The following WDR37 variants were observed in gnomAD, a reference collection of about 807,000 sequenced individuals.
WDR37 encodes WD repeat-containing protein 37.
In WDR37, 19 loss-of-function variants were observed where a neutral mutation model predicts 62.9. The observed-to-expected ratio is 0.30, with a 90% CI of 0.21 to 0.44. WDR37 has a LOEUF of 0.44. WDR37 is among the 20% of genes least tolerant of loss of function. The pLI, the probability that WDR37 is intolerant of heterozygous loss-of-function variation, is 1.00. For synonymous variants in WDR37, 250 were observed against 260.9 expected (o/e 0.96, Z 0.40); for missense variants, 474 against 657.6 (o/e 0.72, Z 3.05).
At chr10:1,061,138 T>C (rs769080077) in intron 1 of WDR37, among the ~76,000 whole-genome samples, 1 of 152,236 alleles carries the variant, frequency 6.6e-6, no homozygotes, top group South Asian at 2.1e-4. Flanking sequence ...TCTTTGTATT[T>C]ATTGATCCAT....
Position 1,129,240 on chromosome 10 carries a change from G to T in WDR37, c.1381G>T (p.Ala461Ser), listed in dbSNP as rs71491341. 2.2e-4 allele frequency: 357 copies of T among 1,614,014 alleles called. No homozygotes were observed. Among genetic ancestry groups the T allele is most frequent in the Non-Finnish European group, 2.9e-4 (339 of 1,180,010 alleles). The change falls in exon 14 of 14, where the codon GCA (alanine) becomes TCA (serine). Residue 461 changes from alanine to serine, a missense_variant. Transcript: ENST00000263150. ...CCACAGGAGAATGGTATGCTGCTCG[G>T]CATGGAGTGAAGACCACCCCGTGTG... ...QGHRRMVCCSAWSEDHPVCNL... is the reference protein window; with the variant it reads ...QGHRRMVCCSSWSEDHPVCNL...
At chr10:1,070,137 G>A (rs952538085) in intron 1 of WDR37, among the ~76,000 whole-genome samples, 3 of 151,112 alleles carry the variant, frequency 2.0e-5, no homozygotes, top group East Asian at 1.9e-4. Flanking sequence ...GAACCTGGGG[G>A]ATGGAGGTTG....
At chr10:1,120,974 G>C (rs1035085679) in intron 11 of WDR37, among the ~76,000 whole-genome samples, 5 of 152,216 alleles carry the variant, frequency 3.3e-5, no homozygotes, top group African/African-American at 1.2e-4. Flanking sequence ...GTGCGGCGAG[G>C]AGGTGCTGCA....
intron 7 of WDR37, among the ~76,000 whole-genome samples, chr10:1,092,872 CAAAAAAAAAAA>C (rs56220560): frequency 9.5e-5 from 4 of 41,970 alleles, no homozygotes; most frequent in Admixed American, 6.6e-4. Context: ...CCCTATCTCA[CAAAAAAAAAAA>C]AAAAAAAAAA....
intron 1 of WDR37, among the ~76,000 whole-genome samples, chr10:1,067,278 C>T (rs1052636119): frequency 6.6e-6 from 1 of 152,058 alleles, no homozygotes; most frequent in African/African-American, 2.4e-5. Flanking sequence ...AAATTTTACA[C>T]CTTATAAAAA....
At chr10:1,128,912 C>G (rs953385483) in intron 13 of WDR37, among the ~76,000 whole-genome samples, 3 of 150,078 alleles carry the variant, frequency 2.0e-5, no homozygotes, top group Admixed American at 6.6e-5. Context: ...CTTGGTGGTC[C>G]ATGCTCTATG....
rs1833994150 is a variant in WDR37, at chr10:1,080,415, G to T, written c.335G>T (p.Ser112Ile). 1.2e-6 allele frequency: 2 copies of T among 1,613,996 alleles called. No homozygotes were observed. The highest frequency in any genetic ancestry group is 1.7e-6 in the Non-Finnish European group (2 of 1,180,028). The part of the protein sequence containing the change: ...LSKGQLKTKA[S>I]HSTSQLSQKL... The stretch of plus-strand genomic sequence containing the variant: ...TTGTCACTCTCTGTCCCTGCAGCCA[G>T]TCACAGCACCAGCCAGCTCTCCCAG... The change falls in exon 5 of 14, where the codon AGT becomes ATT. Residue 112 changes from serine to isoleucine, a missense_variant. Transcript: ENST00000263150.
intron 1 of WDR37, among the ~76,000 whole-genome samples, chr10:1,059,761 C>T (rs532599205): frequency 6.6e-6 from 1 of 152,242 alleles, no homozygotes; most frequent in Admixed American, 6.5e-5. Flanking sequence ...CGCGCCACTG[C>T]ACTCCAACCT....
intron 9 of WDR37, among the ~76,000 whole-genome samples, chr10:1,102,278 C>T (rs556748209): frequency 4.6e-4 from 69 of 151,454 alleles, no homozygotes; most frequent in African/African-American, 1.5e-3. Context: ...CGTTCCCGTG[C>T]CGCTGTGCGT....
chr10:1,070,958 T>C (rs1283489529), intron 1 of WDR37, among the ~76,000 whole-genome samples: 3 of 152,204 alleles, frequency 2.0e-5, no homozygotes, highest in Admixed American at 1.3e-4. Flanking sequence ...TGGTAATGTC[T>C]AAGGAGTTGA....
intron 9 of WDR37, among the ~76,000 whole-genome samples, chr10:1,096,914 G>A (rs940178907): frequency 6.6e-6 from 1 of 152,192 alleles, no homozygotes; most frequent in Non-Finnish European, 1.5e-5. Context: ...CTCAGAGAAT[G>A]CAGGTATCAT....
chr10:1,128,367 G>A (rs990620841), intron 13 of WDR37, among the ~76,000 whole-genome samples: 1 of 152,232 alleles, frequency 6.6e-6, no homozygotes, highest in Admixed American at 6.5e-5. Context: ...CTAAGAGCCT[G>A]CATCTGCTAT....
At chr10:1,075,483 C>G (rs1218556281) in intron 2 of WDR37, among the ~76,000 whole-genome samples, 2 of 149,432 alleles carry the variant, frequency 1.3e-5, no homozygotes, top group African/African-American at 4.9e-5. Context: ...CTCCCTGTGT[C>G]CATGTGTTAG....
chr10:1,092,214 C>T (rs1431027105), intron 7 of WDR37, among the ~76,000 whole-genome samples: 1 of 142,864 alleles, frequency 7.0e-6, no homozygotes, highest in Non-Finnish European at 1.5e-5. Flanking sequence ...TGATAGCTTC[C>T]TCAGACCTCT....
intron 11 of WDR37, among the ~76,000 whole-genome samples, chr10:1,106,075 G>A (rs1028242352): frequency 2.6e-5 from 4 of 152,052 alleles, no homozygotes; most frequent in Non-Finnish European, 5.9e-5. Context: ...GTGAGCCACC[G>A]CGCCCAGCCG....
intron 1 of WDR37, among the ~76,000 whole-genome samples, chr10:1,070,760 TCTA>T (rs1833703660): frequency 6.6e-6 from 1 of 152,242 alleles, no homozygotes; most frequent in African/African-American, 2.4e-5. Flanking sequence ...AATACTCTCT[TCTA>T]TGTGTAGATA....
chr10:1,063,918 C>T (rs1833455104), intron 1 of WDR37, among the ~76,000 whole-genome samples: 1 of 152,160 alleles, frequency 6.6e-6, no homozygotes, highest in Admixed American at 6.5e-5. Flanking sequence ...AGTCTGATGT[C>T]AGGATTTCAA....
At chr10:1,099,891 C>T (rs116674600) in intron 9 of WDR37, among the ~76,000 whole-genome samples, 6,608 of 129,820 alleles carry the variant, frequency 0.051, 493 homozygotes, top group African/African-American at 0.18. Context: ...TGATGGCGGG[C>T]GTGGTGGAGT....
At chr10:1,075,953 T>C (rs376564847) in intron 2 of WDR37, among the ~76,000 whole-genome samples, 10 of 152,186 alleles carry the variant, frequency 6.6e-5, no homozygotes, top group African/African-American at 2.4e-4. Flanking sequence ...TTAATTTTTG[T>C]ATTTTTAGTA....
Sources: allele counts gnomAD v4.1 joint callset (sites outside exome capture counted in the v4.1 genomes callset), GRCh38; gene constraint gnomAD v4.1.1; transcripts MANE v1.5; gene names NCBI Gene and HGNC (gene_info 2026-07-23, HGNC 2026-07-21).